FBXO47: variants seen among roughly 807,000 people sequenced by gnomAD.
FBXO47 encodes the protein F-box only protein 47.
FBXO47 carries 34 observed loss-of-function variants against 53.9 expected under a neutral mutation model. That is an observed-to-expected ratio of 0.63 (90% CI 0.48 to 0.84). FBXO47 has a LOEUF of 0.84. Ranked by LOEUF, FBXO47 falls within the 40% of genes least tolerant of loss-of-function variation. The probability of loss-of-function intolerance (pLI) is 0.00; values close to 1 mark genes in which losing one functional copy is unlikely to be tolerated. For missense variants in FBXO47, 485 were observed against 541.3 expected, an observed-to-expected ratio of 0.90 and a Z score of 1.03; for synonymous variants, 165 against 181.6, an observed-to-expected ratio of 0.91 and a Z score of 0.73.
intron 3 of FBXO47, 145 bp from the exon 4 acceptor site, chr17:38,957,398 A>C: frequency 1.7e-6 from 1 of 589,700 alleles, no homozygotes; most frequent in Non-Finnish European, 3.0e-6. Flanking sequence ...AAAGTTTGGG[A>C]GGAAGGGTGC....
chr17:38,960,260 C>T (rs1055494497), intron 3 of FBXO47, among the ~76,000 whole-genome samples: 1 of 150,748 alleles, frequency 6.6e-6, no homozygotes, highest in Non-Finnish European at 1.5e-5. Context: ...CTGCAAGATC[C>T]CATCTCAAAA....
intron 1 of FBXO47, among the ~76,000 whole-genome samples, chr17:38,964,706 T>G (rs966419277): frequency 1.3e-5 from 2 of 152,030 alleles, no homozygotes; most frequent in African/African-American, 4.8e-5. Context: ...ATAATAATAA[T>G]AGTCACTGAT....
intron 9 of FBXO47, among the ~76,000 whole-genome samples, chr17:38,939,323 AAT>A (rs1555559725): frequency 0.038 from 1,882 of 50,132 alleles, 79 homozygotes; most frequent in Middle Eastern, 0.062. Context: ...AAAAAAAAAA[AAT>A]ATATATATAT....
intron 6 of FBXO47, among the ~76,000 whole-genome samples, chr17:38,951,026 G>A (rs892111089): frequency 2.0e-5 from 3 of 151,902 alleles, no homozygotes; most frequent in Non-Finnish European, 4.4e-5. Flanking sequence ...TCAGCCTCCT[G>A]AGCAGCTGAA....
At chr17:38,962,328 A>C (rs1484412707) in intron 2 of FBXO47, among the ~76,000 whole-genome samples, 1 of 152,180 alleles carries the variant, frequency 6.6e-6, no homozygotes, top group Non-Finnish European at 1.5e-5. Flanking sequence ...AAAAAAATTA[A>C]TTTAGGGCTA....
At position 38,942,685 on chromosome 17, in the gene FBXO47, C is replaced by A; in HGVS notation, c.1083+93G>T. 3 of 882,922 alleles carry A rather than the reference C, an allele frequency of 3.4e-6. No homozygotes were observed. The East Asian group carries it at 7.7e-5, about 23-fold the overall frequency. The allele number at this position is 882,922 out of a possible 1,614,324, so 54.7% of individuals were successfully genotyped here. ...ACTTCAATACTCATTTTTACAAAAT[C>A]TTTTGTCCACATTTCAGTTCCTTCA... On this transcript the variant is annotated intron_variant, in intron 9 of 10. Coordinates refer to ENST00000378079, the MANE Select transcript of FBXO47 (RefSeq NM_001008777.3).
intron 5 of FBXO47, among the ~76,000 whole-genome samples, chr17:38,953,859 T>C (rs1905425146): frequency 6.6e-6 from 1 of 151,958 alleles, no homozygotes; most frequent in Non-Finnish European, 1.5e-5. Flanking sequence ...ATAAGAAAAA[T>C]CTGTCTTGGA....
intron 1 of FBXO47, among the ~76,000 whole-genome samples, chr17:38,964,576 G>T (rs920595638): frequency 6.6e-6 from 1 of 151,744 alleles, no homozygotes; most frequent in Non-Finnish European, 1.5e-5. Flanking sequence ...CATGAGAATC[G>T]CTTGAACCCG....
At chr17:38,965,150 A>C (rs971622318) in intron 1 of FBXO47, among the ~76,000 whole-genome samples, 3 of 152,182 alleles carry the variant, frequency 2.0e-5, no homozygotes, top group Non-Finnish European at 4.4e-5. Flanking sequence ...ACGCCCGCCC[A>C]TTACACTAAA....
Position 38,938,608 on chromosome 17 carries a change from C to A in FBXO47, c.1208G>T (p.Cys403Phe), listed in dbSNP as rs776234579. ...TGATTGCAGCATTTCCATTATAACACATGCAAATGCATTTGCCACATTCTG... is the reference window on the plus strand; with the variant it reads ...TGATTGCAGCATTTCCATTATAACAAATGCAAATGCATTTGCCACATTCTG... Reference protein sequence around the residue: ...FLQNVANAFACVIMEMLQSIM... With the variant: ...FLQNVANAFAFVIMEMLQSIM... The change falls in exon 10 of 11, where the codon TGT becomes TTT. Residue 403 changes from cysteine to phenylalanine, a missense_variant. Transcript: ENST00000378079. 1.4e-5 allele frequency: 23 copies of A among 1,613,158 alleles called. No homozygotes were observed. The highest frequency in any genetic ancestry group is 1.9e-5 in the Non-Finnish European group (23 of 1,179,554).
At chr17:38,960,197 G>A (rs772527773) in intron 3 of FBXO47, among the ~76,000 whole-genome samples, 50 of 151,872 alleles carry the variant, frequency 3.3e-4, no homozygotes, top group Non-Finnish European at 5.9e-4. Context: ...TACTCAGGAG[G>A]CTGAGGCAGG....
At chr17:38,947,018 A>G (rs1350653301) in intron 6 of FBXO47, among the ~76,000 whole-genome samples, 1 of 138,938 alleles carries the variant, frequency 7.2e-6, no homozygotes, top group Non-Finnish European at 1.5e-5. Flanking sequence ...GTAAATATAT[A>G]TAAACATATA....
intron 3 of FBXO47, among the ~76,000 whole-genome samples, chr17:38,959,579 C>CAA (rs749435702): frequency 5.8e-4 from 16 of 27,796 alleles, no homozygotes; most frequent in African/African-American, 8.9e-4. Context: ...GACTCTGCCT[C>CAA]AAAAAAAAAA....
intron 9 of FBXO47, among the ~76,000 whole-genome samples, chr17:38,942,542 C>T (rs969834816): frequency 2.0e-5 from 3 of 151,902 alleles, no homozygotes; most frequent in South Asian, 2.1e-4. Context: ...TGCGGTGAGC[C>T]GAGATCGCAC....
chr17:38,947,426 T>G (rs1342361583), intron 6 of FBXO47, among the ~76,000 whole-genome samples: 1 of 151,984 alleles, frequency 6.6e-6, no homozygotes, highest in Non-Finnish European at 1.5e-5. Context: ...ACTCCTGAGC[T>G]CAAGCAATCC....
chr17:38,967,205 C>G (rs1250695352), intron 1 of FBXO47, 24 bp downstream of exon 1: 1 of 152,064 alleles, frequency 6.6e-6, no homozygotes, highest in East Asian at 1.9e-4. Flanking sequence ...CAATAAAATA[C>G]TGGGAAAAAA....
intron 1 of FBXO47, among the ~76,000 whole-genome samples, chr17:38,964,898 A>G (rs1906023939): frequency 6.6e-6 from 1 of 151,822 alleles, no homozygotes; most frequent in African/African-American, 2.4e-5. Flanking sequence ...GCTCACTGCA[A>G]CCTCCCCCTC....
chr17:38,953,470 C>T (rs1464841773), intron 5 of FBXO47, among the ~76,000 whole-genome samples: 2 of 151,828 alleles, frequency 1.3e-5, no homozygotes, highest in African/African-American at 4.8e-5. Flanking sequence ...ACTAAAAATA[C>T]AAAAATTAGC....
intron 3 of FBXO47, among the ~76,000 whole-genome samples, chr17:38,957,987 C>T (rs1053460707): frequency 6.6e-6 from 1 of 152,058 alleles, no homozygotes; most frequent in African/African-American, 2.4e-5. Context: ...GTGCACACCA[C>T]CACGCCCAGC....
Sources: allele counts gnomAD v4.1 joint callset (sites outside exome capture counted in the v4.1 genomes callset), GRCh38; gene constraint gnomAD v4.1.1; transcripts MANE v1.5; gene names NCBI Gene and HGNC (gene_info 2026-07-23, HGNC 2026-07-21).